ANKS1B: variants seen among roughly 807,000 people sequenced by gnomAD.
The protein encoded by ANKS1B is ankyrin repeat and sterile alpha motif domain-containing protein 1B.
In ANKS1B, 36 loss-of-function variants were observed where a neutral mutation model predicts 148.3. The ratio of observed to expected loss-of-function variants is 0.24; its 90% CI spans 0.19 to 0.32. ANKS1B has a LOEUF of 0.32. Among genes scored for constraint, ANKS1B ranks in the 10% least tolerant of loss-of-function variants. ANKS1B has a pLI of 1.00. For synonymous variants in ANKS1B, 542 were observed against 560.8 expected, an observed-to-expected ratio of 0.97 and a Z score of 0.47; for missense variants, 1,157 against 1,542.6, an observed-to-expected ratio of 0.75 and a Z score of 4.19.
At chr12:99,075,817 AT>A (rs2047657970) in intron 16 of ANKS1B, among the ~76,000 whole-genome samples, 1 of 132,684 alleles carries the variant, frequency 7.5e-6, no homozygotes, top group Non-Finnish European at 1.6e-5. Context: ...ACAACAAAAA[AT>A]GTATTATCGT....
intron 15 of ANKS1B, among the ~76,000 whole-genome samples, chr12:99,085,336 A>G (rs564611396): frequency 6.6e-6 from 1 of 151,792 alleles, no homozygotes; most frequent in African/African-American, 2.4e-5. Context: ...CTAAAACTTA[A>G]AGTATAATAA....
At chr12:98,763,449 C>T (rs1476292903) in intron 25 of ANKS1B, among the ~76,000 whole-genome samples, 1 of 152,216 alleles carries the variant, frequency 6.6e-6, no homozygotes, top group Admixed American at 6.5e-5. Context: ...AATCAACTGG[C>T]CAAAATGCAG....
chr12:99,337,574 G>C (rs571422026), intron 12 of ANKS1B, among the ~76,000 whole-genome samples: 1 of 152,162 alleles, frequency 6.6e-6, no homozygotes, highest in African/African-American at 2.4e-5. Context: ...TCCGTGTCCA[G>C]GAATTTAAGT....
chr12:99,432,226 T>C, intron 11 of ANKS1B, among the ~76,000 whole-genome samples: 1 of 152,178 alleles, frequency 6.6e-6, no homozygotes, highest in East Asian at 1.9e-4. Flanking sequence ...TTATGTTCCA[T>C]ATAATGGAAC....
chr12:99,087,276 T>G (rs1355802610), intron 15 of ANKS1B, among the ~76,000 whole-genome samples: 1 of 152,204 alleles, frequency 6.6e-6, no homozygotes, highest in Non-Finnish European at 1.5e-5. Flanking sequence ...CTGGCTGTGC[T>G]TAGAAGGATT....
In ANKS1B at chr12:98,976,451, A is replaced by C. The variant is rs1229059701; in HGVS notation, c.2778+76706T>G. On this transcript the variant is annotated intron_variant, in intron 17 of 26. Coordinates refer to ENST00000683438, the MANE Select transcript of ANKS1B (RefSeq NM_001352186.2). ...CTTCTAGTGAAAGATATTCACTTTTATAATAAGGTGCTTGTCTACACAGAG... is the reference window on the plus strand; with the variant it reads ...CTTCTAGTGAAAGATATTCACTTTTCTAATAAGGTGCTTGTCTACACAGAG... The C allele has an allele frequency of 5.3e-5, 8 of 152,306 alleles. No individual in the cohort carries two copies. In the South Asian group the frequency reaches 1.7e-3, roughly 32 times the overall value. 9.4% of individuals were successfully genotyped at this position (152,306 alleles called of 1,614,324 possible). A position where few individuals can be genotyped will look rare whatever the true frequency, so the allele number is the denominator to read the frequency against.
At chr12:99,193,666 C>T (rs931335474) in intron 14 of ANKS1B, among the ~76,000 whole-genome samples, 21 of 151,806 alleles carry the variant, frequency 1.4e-4, no homozygotes, top group African/African-American at 5.1e-4. Context: ...CTTTTTCTTT[C>T]CTAGAATACT....
At chr12:99,131,540 A>T (rs1015842042) in intron 15 of ANKS1B, among the ~76,000 whole-genome samples, 1 of 152,174 alleles carries the variant, frequency 6.6e-6, no homozygotes, top group South Asian at 2.1e-4. Flanking sequence ...TCAGTTGTTT[A>T]TGCAGAACAA....
intron 9 of ANKS1B, among the ~76,000 whole-genome samples, chr12:99,536,513 G>A (rs192632872): frequency 6.6e-6 from 1 of 152,146 alleles, no homozygotes; most frequent in Admixed American, 6.5e-5. Flanking sequence ...TGTTCCAGTG[G>A]TTGGGAATAG....
Position 99,402,414 on chromosome 12 carries a change from C to T in ANKS1B, c.1576-2603G>A, listed in dbSNP as rs879775641. 4.8e-5 allele frequency among the ~76,000 whole-genome samples: 7 copies of T among 145,464 alleles called. 2 individuals are homozygous for T. The highest frequency in any genetic ancestry group is 1.4e-4 in the Admixed American group (2 of 14,644). On this transcript the variant is annotated intron_variant, in intron 11 of 26. Transcript: ENST00000683438. ...GTTTGTTTAACAGATTATTTTATCG[C>T]CCAGGTATTAAGCCTAGTACTCATT... is the stretch of plus-strand genomic sequence containing the variant.
At chr12:99,890,066 T>G (rs2093016468) in intron 1 of ANKS1B, among the ~76,000 whole-genome samples, 1 of 152,064 alleles carries the variant, frequency 6.6e-6, no homozygotes, top group South Asian at 2.1e-4. Context: ...TCTCCCCCAG[T>G]CCTATGAAAA....
intron 1 of ANKS1B, among the ~76,000 whole-genome samples, chr12:99,832,822 A>G (rs2084255903): frequency 1.3e-5 from 2 of 152,190 alleles, no homozygotes; most frequent in South Asian, 2.1e-4. Flanking sequence ...TGGGGCAAAA[A>G]AGGAAAAGTT....
intron 9 of ANKS1B, among the ~76,000 whole-genome samples, chr12:99,638,648 G>A (rs539247496): frequency 1.3e-5 from 2 of 152,154 alleles, no homozygotes; most frequent in African/African-American, 4.8e-5. Flanking sequence ...ATTTTCTGGG[G>A]AGAAATCAAG....
chr12:99,529,392 C>A (rs181124957), intron 9 of ANKS1B, among the ~76,000 whole-genome samples: 2 of 152,306 alleles, frequency 1.3e-5, no homozygotes, highest in East Asian at 3.9e-4. Context: ...TTAGCTCACA[C>A]CTGTAATCCC....
At chr12:99,713,019 C>T (rs2056842682) in intron 8 of ANKS1B, among the ~76,000 whole-genome samples, 1 of 152,162 alleles carries the variant, frequency 6.6e-6, no homozygotes, top group Non-Finnish European at 1.5e-5. Flanking sequence ...TTCTCTGTCT[C>T]TTTCAGTCCA....
At chr12:99,667,651 T>C (rs1230898976) in intron 8 of ANKS1B, among the ~76,000 whole-genome samples, 2 of 152,206 alleles carry the variant, frequency 1.3e-5, no homozygotes, top group Non-Finnish European at 2.9e-5. Context: ...GTGAAAAGCA[T>C]TCAGCCTTTC....
chr12:99,403,595 C>T (rs1488057620), intron 11 of ANKS1B, among the ~76,000 whole-genome samples: 1 of 145,210 alleles, frequency 6.9e-6, no homozygotes, highest in East Asian at 1.9e-4. Flanking sequence ...TGTCTGTTTA[C>T]TCTGTTGACA....
rs112631078 is a variant in ANKS1B at position 99,406,260 on chromosome 12, C to T, written c.1576-6449G>A. On this transcript the variant is annotated intron_variant, in intron 11 of 26. Coordinates refer to ENST00000683438, the MANE Select transcript of ANKS1B (RefSeq NM_001352186.2). ...ACATGAATAATTCTCAAAGATAGAC[C>T]ATTTGTTAGGTCACGAAACAAGTCT... is the stretch of plus-strand genomic sequence containing the variant. Among the ~76,000 whole-genome samples the T allele has an allele frequency of 8.4e-3, 1,226 of 145,120 alleles. 208 individuals are homozygous for T. The highest frequency in any genetic ancestry group is 0.03 in the African/African-American group (1,166 of 38,350).
intron 19 of ANKS1B, 143 bp from the exon 20 acceptor site, chr12:98,808,061 T>G (rs2099064695): frequency 1.6e-6 from 1 of 621,288 alleles, no homozygotes; most frequent in Non-Finnish European, 2.7e-6. Context: ...TTTAGGGTGC[T>G]CAAGGTTTAA....
Sources: gnomAD v4.1 joint callset for allele counts (sites outside exome capture counted in the v4.1 genomes callset) on GRCh38, gnomAD v4.1.1 for gene constraint, MANE v1.5 for transcripts, NCBI Gene and HGNC (gene_info 2026-07-23, HGNC 2026-07-21) for gene names.